INHBC: variants seen among roughly 807,000 people sequenced by gnomAD.
INHBC encodes the protein inhibin subunit beta C, also known as inhibin beta C chain.
INHBC carries 10 observed loss-of-function variants against 12.4 expected under a neutral mutation model. The observed-to-expected ratio is 0.81, with a 90% CI of 0.50 to 1.37. INHBC has a LOEUF of 1.37. Among genes scored for constraint, INHBC ranks in the 40% most tolerant of loss-of-function variants. The pLI, the probability that INHBC is intolerant of heterozygous loss-of-function variation, is 0.00. For missense variants in INHBC, 382 were observed against 439.4 expected (o/e 0.87, Z 1.17); for synonymous variants, 147 against 171.6 (o/e 0.86, Z 1.12).
intron 1 of INHBC, among the ~76,000 whole-genome samples, chr12:57,441,354 CAAAAAAAAAA>C (rs1171735520): frequency 8.8e-5 from 3 of 33,926 alleles, no homozygotes; most frequent in African/African-American, 4.1e-4. Flanking sequence ...AATTCCATCT[CAAAAAAAAAA>C]AAAAAAAAAA....
At position 57,451,990 on chromosome 12, in the gene INHBC, A is replaced by C; in HGVS notation, c.*1968A>C. 1 of 350,174 alleles carries C rather than the reference A, an allele frequency of 2.9e-6. No individual in the cohort carries two copies. Among genetic ancestry groups the C allele is most frequent in the South Asian group, 2.1e-5 (1 of 48,010 alleles). The allele number at this position is 350,174 out of a possible 1,614,324, so 21.7% of individuals were successfully genotyped here. On this transcript the variant is annotated 3_prime_UTR_variant, in exon 2 of 2. Coordinates refer to ENST00000309668, the MANE Select transcript of INHBC (RefSeq NM_005538.4). ...AGGACTTTAATGCAATATTATTTTAAAGTCAAAATTAATGCAAAAAATCCA... is the reference window on the plus strand; with the variant it reads ...AGGACTTTAATGCAATATTATTTTACAGTCAAAATTAATGCAAAAAATCCA...
At position 57,452,031 on chromosome 12, in the gene INHBC, C is replaced by A. The variant is rs1275619031; in HGVS notation, c.*2009C>A. Among the ~76,000 whole-genome samples, 2 of 152,108 alleles carry A rather than the reference C, an allele frequency of 1.3e-5. No homozygotes were observed. Among genetic ancestry groups the A allele is most frequent in the Admixed American group, 1.3e-4 (2 of 15,276 alleles). On this transcript the variant is annotated 3_prime_UTR_variant, in exon 2 of 2. Coordinates refer to ENST00000309668, the MANE Select transcript of INHBC (RefSeq NM_005538.4). ...AAAAAATCCATGATGAACAAAATAG[C>A]CTACTTTTAAATAAAAACAGGATCA...
At chr12:57,445,733 T>C (rs1230297327) in intron 1 of INHBC, among the ~76,000 whole-genome samples, 1 of 116,122 alleles carries the variant, frequency 8.6e-6, no homozygotes, top group Admixed American at 8.9e-5. Context: ...CATCTCCATG[T>C]AAATTTTTTT....
chr12:57,448,335 C>T (rs1048304144), intron 1 of INHBC, among the ~76,000 whole-genome samples: 1 of 151,974 alleles, frequency 6.6e-6, no homozygotes, highest in African/African-American at 2.4e-5. Flanking sequence ...CTTTGGGAGA[C>T]TGAGGTGAGT....
intron 1 of INHBC, among the ~76,000 whole-genome samples, chr12:57,442,419 T>G (rs1870486087): frequency 6.6e-6 from 1 of 152,186 alleles, no homozygotes; most frequent in Non-Finnish European, 1.5e-5. Context: ...ACTTAAAAGG[T>G]ACTAACTATA....
In INHBC at chr12:57,434,995, G is replaced by A; in HGVS notation, c.109G>A (p.Glu37Lys). The change falls in exon 1 of 2, where the codon GAG becomes AAG. Residue 37 changes from glutamate to lysine, a missense_variant. Coordinates refer to ENST00000309668, the MANE Select transcript of INHBC (RefSeq NM_005538.4). ...PACGGPTLEL[E>K]SQRELLLDLA... ...ATGTGGGGGGCCCACCTTGGAACTG[G>A]AGAGCCAGCGGGAGCTGCTTCTTGA... 6.2e-7 allele frequency: 1 copy of A among 1,614,178 alleles called. No individual in the cohort carries two copies. The highest frequency in any genetic ancestry group is 8.5e-7 in the Non-Finnish European group (1 of 1,180,042).
At chr12:57,444,164 C>G (rs1254643133) in intron 1 of INHBC, among the ~76,000 whole-genome samples, 4 of 152,150 alleles carry the variant, frequency 2.6e-5, no homozygotes, top group Non-Finnish European at 5.9e-5. Context: ...GCCATACAGG[C>G]ACAACCGCTG....
intron 1 of INHBC, among the ~76,000 whole-genome samples, chr12:57,435,594 T>C (rs1217610049): frequency 6.6e-6 from 1 of 151,616 alleles, no homozygotes; most frequent in Non-Finnish European, 1.5e-5. Context: ...TCCCTTCCCC[T>C]CTCCTCCAGA....
chr12:57,437,796 G>A (rs1490593225), intron 1 of INHBC, among the ~76,000 whole-genome samples: 1 of 151,434 alleles, frequency 6.6e-6, no homozygotes, highest in Non-Finnish European at 1.5e-5. Flanking sequence ...TTGTTTGTTT[G>A]TTTGTTTGAG....
At position 57,435,138 on chromosome 12, in the gene INHBC, G is replaced by T. The variant is rs1292641764; in HGVS notation, c.252G>T (p.Gln84His). The T allele has an allele frequency of 6.2e-7, 1 of 1,614,138 alleles. No homozygotes were observed. ...TGCAGCACCTCCACGGGGTCCCACAGGGGGCACTTCTAGAGGACAACAGGG... is the reference window on the plus strand; with the variant it reads ...TGCAGCACCTCCACGGGGTCCCACATGGGGCACTTCTAGAGGACAACAGGG... ...TALQHLHGVP[Q>H]GALLEDNREQ... The change falls in exon 1 of 2, where the codon CAG (glutamine) becomes CAT (histidine). Residue 84 changes from glutamine (Q) to histidine (H), a missense_variant. By Grantham distance (24) the Gln-to-His change is conservative. Coordinates refer to ENST00000309668, the MANE Select transcript of INHBC (RefSeq NM_005538.4).
intron 1 of INHBC, among the ~76,000 whole-genome samples, chr12:57,437,666 G>A (rs1239993583): frequency 2.7e-5 from 3 of 110,094 alleles, no homozygotes; most frequent in South Asian, 3.5e-4. Context: ...GTGACACTCC[G>A]TCTCAAAAAA....
At chr12:57,437,208 C>T (rs1258760979) in intron 1 of INHBC, among the ~76,000 whole-genome samples, 1 of 152,142 alleles carries the variant, frequency 6.6e-6, no homozygotes, top group Non-Finnish European at 1.5e-5. Context: ...GTTTGCACCA[C>T]TGCCCTCCAG....
chr12:57,449,872 G>T lies in INHBC; in HGVS notation c.909G>T (p.Lys303Asn). The T allele has an allele frequency of 6.2e-7, 1 of 1,612,448 alleles. No individual in the cohort carries two copies. Among genetic ancestry groups the T allele is most frequent in the Non-Finnish European group, 8.5e-7 (1 of 1,179,046 alleles). ...ACACTGCAGTGCTCAATCTTCTCAA[G>T]GCCAACACAGCTGCAGGCACCACTG... is the stretch of plus-strand genomic sequence containing the variant. The part of the protein sequence containing the change: ...SFHTAVLNLL[K>N]ANTAAGTTGG... Residue 303 changes from lysine (K) to asparagine (N), a missense_variant, in exon 2 of 2, where the codon AAG becomes AAT. Coordinates refer to ENST00000309668, the MANE Select transcript of INHBC (RefSeq NM_005538.4).
rs752278058 is a variant in INHBC, at chr12:57,434,880, C to T, written c.-7C>T. The T allele has an allele frequency of 1.9e-6, 3 of 1,603,672 alleles. No individual in the cohort carries two copies. Among genetic ancestry groups the T allele is most frequent in the Non-Finnish European group, 8.5e-7 (1 of 1,173,234 alleles). On this transcript the variant is annotated 5_prime_UTR_variant, in exon 1 of 2. Transcript: ENST00000309668. ...TCTGTATTGCTCAAGAAGGGCCTTC[C>T]CCAGCAATGACCTCCTCATTGCTTC...
At chr12:57,438,253 T>TATTAGCTAATACAGGTATAGCTAATA (rs1305775724) in intron 1 of INHBC, among the ~76,000 whole-genome samples, 2 of 152,218 alleles carry the variant, frequency 1.3e-5, no homozygotes, top group African/African-American at 4.8e-5. Context: ...ACAGGTAAAG[T>TATTAGCTAATACAGGTATAGCTAATA]ACTTTGAATG....
Position 57,436,933 on chromosome 12 carries a change from C to T in INHBC, c.313+1734C>T, listed in dbSNP as rs188772957. ...CCTCCTGCCTCGCCCTCCCAAAGTG[C>T]TGGGATTACAGGTGTGAGCCACCGC... On this transcript the variant is annotated intron_variant, in intron 1 of 1. Coordinates refer to ENST00000309668, the MANE Select transcript of INHBC (RefSeq NM_005538.4). Among the ~76,000 whole-genome samples, 23 of 152,244 alleles carry T rather than the reference C, an allele frequency of 1.5e-4. 1 individual carries two copies. In the East Asian group the frequency reaches 4.4e-3, roughly 29 times the overall value.
intron 1 of INHBC, among the ~76,000 whole-genome samples, chr12:57,439,808 A>C (rs1594726701): frequency 6.6e-6 from 1 of 152,236 alleles, no homozygotes; most frequent in African/African-American, 2.4e-5. Context: ...TCTCAAAAAA[A>C]AATGTTAGAT....
At chr12:57,441,405 A>G (rs565281473) in intron 1 of INHBC, among the ~76,000 whole-genome samples, 83 of 149,126 alleles carry the variant, frequency 5.6e-4, no homozygotes, top group Middle Eastern at 6.9e-3. Context: ...CATGCCTGTA[A>G]TCCCAGCTAC....
intron 1 of INHBC, among the ~76,000 whole-genome samples, chr12:57,439,226 A>T (rs539267095): frequency 1.1e-4 from 16 of 152,326 alleles, no homozygotes; most frequent in Non-Finnish European, 1.9e-4. Context: ...GATAAACATA[A>T]TAGATATTCC....
Sources: gnomAD v4.1 joint callset for allele counts (sites outside exome capture counted in the v4.1 genomes callset) on GRCh38, gnomAD v4.1.1 for gene constraint, MANE v1.5 for transcripts, NCBI Gene and HGNC (gene_info 2026-07-23, HGNC 2026-07-21) for gene names.